The following ISLR2 variants were observed in gnomAD, a reference collection of about 807,000 sequenced individuals.
ISLR2 encodes immunoglobulin superfamily containing leucine rich repeat 2, also known as immunoglobulin superfamily containing leucine-rich repeat protein 2.
Under a neutral mutation model 25.5 loss-of-function variants are expected in ISLR2, and 16 were observed. The observed-to-expected ratio is 0.63, with a 90% CI of 0.43 to 0.95. ISLR2 has a LOEUF of 0.95. Among genes scored for constraint, ISLR2 ranks in the 40% least tolerant of loss-of-function variants. ISLR2 has a pLI of 0.00. For missense variants in ISLR2, 883 were observed against 1,030.7 expected (o/e 0.86, Z 1.96); for synonymous variants, 508 against 486.6 (o/e 1.04, Z -0.58).
upstream of ISLR2, chr15:74,129,006 C>T (rs1446727582): frequency 2.2e-6 from 1 of 456,762 alleles, no homozygotes. The surrounding 1 kb of genome is among the most constrained non-coding windows in gnomAD (Gnocchi z 4.5). Flanking sequence ...ACCACAGGAT[C>T]CCCGGCAGGG....
chr15:74,102,559 AAATGGGCTGCTGGG>A (rs1446907549), intron 1 of ISLR2, among the ~76,000 whole-genome samples: 4 of 151,154 alleles, frequency 2.6e-5, no homozygotes, highest in Non-Finnish European at 4.4e-5. Context: ...AAGGCTTGTG[AAATGGGCTGCTGGG>A]CCCCACACCA....
At chr15:74,141,434 A>T (rs2072610342), downstream of ISLR2, among the ~76,000 whole-genome samples, 1 of 152,244 alleles carries the variant, frequency 6.6e-6, no homozygotes, top group South Asian at 2.1e-4. Context: ...GTAAGAATTG[A>T]TCATTGTCGA....
chr15:74,133,497 C>T lies in ISLR2; in HGVS notation c.743C>T (p.Thr248Ile), dbSNP rs764209602. Residue 248 changes from threonine to isoleucine, a missense_variant, in exon 3 of 3, where the codon ACC becomes ATC. Thr to Ile is a moderately conservative substitution (Grantham distance 89, BLOSUM62 -1). Around this residue, in one of 2 missense-constraint regions of ISLR2, gnomAD observed 271 missense variants for 387.9 expected, o/e 0.70. Coordinates refer to ENST00000453268, the MANE Select transcript of ISLR2 (RefSeq NM_020851.3). ...GAGCCACCGCTTGAAGCACCCGGCA[C>T]CCCACTGCGCGCAGGACTGGCGTTC... The part of the protein sequence containing the change: ...SAEPPLEAPG[T>I]PLRAGLAFVL... The T allele has an allele frequency of 8.7e-6, 14 of 1,613,742 alleles. No homozygotes were observed. The African/African-American group carries it at 1.5e-4, about 17-fold the overall frequency.
At chr15:74,108,474 C>A (rs1289232618) in intron 2 of ISLR2, among the ~76,000 whole-genome samples, 3 of 152,162 alleles carry the variant, frequency 2.0e-5, no homozygotes, top group African/African-American at 7.2e-5. Context: ...CACTGCCGCC[C>A]CCAGACCCCC....
At chr15:74,139,475 A>C (rs753435840), downstream of ISLR2, among the ~76,000 whole-genome samples, 4 of 152,010 alleles carry the variant, frequency 2.6e-5, no homozygotes, top group Non-Finnish European at 5.9e-5. Context: ...CAGTTCAACT[A>C]CCAATTTGAG....
chr15:74,128,408 G>C (rs756763884), upstream of ISLR2: 2 of 454,232 alleles, frequency 4.4e-6, no homozygotes, highest in South Asian at 3.1e-5. Flanking sequence ...TCCCGCCCAG[G>C]GGTGGTCACC....
intron 2 of ISLR2, among the ~76,000 whole-genome samples, chr15:74,108,075 C>T (rs1369265917): frequency 6.6e-6 from 1 of 152,172 alleles, no homozygotes; most frequent in Non-Finnish European, 1.5e-5. Context: ...CTGGCCCAGT[C>T]CAGGTTTCAC....
downstream of ISLR2, among the ~76,000 whole-genome samples, chr15:74,141,019 C>A (rs2072608241): frequency 6.6e-6 from 1 of 152,172 alleles, no homozygotes; most frequent in Admixed American, 6.5e-5. Context: ...CCAAAGGCCC[C>A]ATGATGGGCA....
At chr15:74,121,055 A>G (rs2141937054) in intron 2 of ISLR2, among the ~76,000 whole-genome samples, 1 of 148,256 alleles carries the variant, frequency 6.7e-6, no homozygotes, top group East Asian at 2.0e-4. Flanking sequence ...ATTCCAGCCC[A>G]TTTAGTATCT....
At chr15:74,128,004 A>C, upstream of ISLR2, 1 of 165,614 alleles carries the variant, frequency 6.0e-6, no homozygotes, top group Admixed American at 6.5e-5. Flanking sequence ...CCCCACCCCT[A>C]CTTCCACACA....
upstream of ISLR2, chr15:74,128,818 C>T (rs1454573635): frequency 1.5e-5 from 6 of 404,410 alleles, no homozygotes; most frequent in Non-Finnish European, 2.4e-5. Flanking sequence ...ACCGCCCCCT[C>T]AGGGTTCCCA....
intron 2 of ISLR2, among the ~76,000 whole-genome samples, chr15:74,118,342 C>G (rs1315191265): frequency 6.6e-6 from 1 of 152,062 alleles, no homozygotes; most frequent in Non-Finnish European, 1.5e-5. Flanking sequence ...CAAATGGAGG[C>G]AGGGCGAGAT....
upstream of ISLR2, among the ~76,000 whole-genome samples, chr15:74,125,408 A>G (rs2072287038): frequency 6.6e-6 from 1 of 152,022 alleles, no homozygotes; most frequent in Non-Finnish European, 1.5e-5. Context: ...CGCCCAACTA[A>G]TTTAAAAAAA....
intron 2 of ISLR2, among the ~76,000 whole-genome samples, chr15:74,106,421 G>A (rs956765166): frequency 2.6e-5 from 4 of 152,052 alleles, no homozygotes; most frequent in Non-Finnish European, 2.9e-5. Context: ...TTCAATGACC[G>A]CAGCCTCTTC....
intron 2 of ISLR2, among the ~76,000 whole-genome samples, chr15:74,117,438 T>C (rs2072219213): frequency 6.6e-6 from 1 of 152,106 alleles, no homozygotes; most frequent in African/African-American, 2.4e-5. Context: ...CCCTACAATT[T>C]GGGAGGTTGC....
At chr15:74,139,249 A>G (rs1001530601), downstream of ISLR2, among the ~76,000 whole-genome samples, 1 of 152,134 alleles carries the variant, frequency 6.6e-6, no homozygotes, top group Non-Finnish European at 1.5e-5. Context: ...GTGCTGGGAC[A>G]CTCTGCCAAC....
At chr15:74,100,360 G>C (rs2072074903) in exon 1 of ISLR2, 1 of 1,207,064 alleles carries the variant, frequency 8.3e-7, no homozygotes, top group South Asian at 3.6e-5. Flanking sequence ...GGAGGTGCCG[G>C]GGGCGAAATG....
upstream of ISLR2, chr15:74,129,147 G>C (rs949372932): frequency 2.3e-6 from 1 of 433,428 alleles, no homozygotes; most frequent in Non-Finnish European, 4.6e-6. The surrounding 1 kb of genome is among the most constrained non-coding windows in gnomAD (Gnocchi z 4.5). Flanking sequence ...TCTGTGTTCT[G>C]AACTGGGGCT....
intron 2 of ISLR2, among the ~76,000 whole-genome samples, chr15:74,115,626 T>C (rs1432778557): frequency 6.6e-6 from 1 of 151,908 alleles, no homozygotes; most frequent in African/African-American, 2.4e-5. Context: ...ATCCAGGAGA[T>C]GGAGATTGCA....
Sources: allele counts gnomAD v4.1 joint callset (sites outside exome capture counted in the v4.1 genomes callset), GRCh38; gene constraint gnomAD v4.1.1; regional missense constraint gnomAD v4.1.1; non-coding constraint Gnocchi (gnomAD v3.1); transcripts MANE v1.5; gene names NCBI Gene and HGNC (gene_info 2026-07-23, HGNC 2026-07-21).